PYROXD1: variants seen among roughly 807,000 people sequenced by gnomAD.
The protein encoded by PYROXD1 is pyridine nucleotide-disulphide oxidoreductase domain 1, also known as tRNA ligase complex-associated NAD(P)H dehydrogenase PYROXD1.
Under a neutral mutation model 62.0 loss-of-function variants are expected in PYROXD1, and 42 were observed. The observed-to-expected ratio is 0.68, with a 90% CI of 0.53 to 0.88. PYROXD1 has a LOEUF of 0.88. Ranked by LOEUF, PYROXD1 falls within the 40% of genes least tolerant of loss-of-function variation. The probability of loss-of-function intolerance (pLI) is 0.00; values close to 1 mark genes in which losing one functional copy is unlikely to be tolerated. For synonymous variants in PYROXD1, 170 were observed against 206.4 expected, an observed-to-expected ratio of 0.82 and a Z score of 1.51; for missense variants, 493 against 604.8, an observed-to-expected ratio of 0.82 and a Z score of 1.94.
At chr12:21,450,879 C>T (rs1942484342) in intron 4 of PYROXD1, among the ~76,000 whole-genome samples, 1 of 152,146 alleles carries the variant, frequency 6.6e-6, no homozygotes, top group African/African-American at 2.4e-5. Flanking sequence ...ACGATTATTA[C>T]TCCCAATTTA....
intron 2 of PYROXD1, among the ~76,000 whole-genome samples, chr12:21,442,371 A>G (rs946418011): frequency 2.6e-5 from 4 of 152,196 alleles, no homozygotes; most frequent in African/African-American, 9.6e-5. Flanking sequence ...GGAAACCAAG[A>G]ATGGGAACAC....
At chr12:21,458,454 C>T (rs114494108) in intron 7 of PYROXD1, among the ~76,000 whole-genome samples, 1 of 152,178 alleles carries the variant, frequency 6.6e-6, no homozygotes, top group Non-Finnish European at 1.5e-5. Context: ...CATTGGAATA[C>T]CACTTTAGAT....
intron 5 of PYROXD1, 24 bp downstream of exon 5, chr12:21,452,178 A>T: frequency 1.5e-6 from 2 of 1,366,072 alleles, no homozygotes; most frequent in Non-Finnish European, 2.0e-6. Context: ...TTTAAATATG[A>T]TAACATTTAA....
intron 1 of PYROXD1, 50 bp downstream of exon 1, chr12:21,437,864 A>T (rs746658521): frequency 6.5e-6 from 10 of 1,534,732 alleles, no homozygotes; most frequent in Admixed American, 5.6e-5. Flanking sequence ...CCCAAAGGGG[A>T]TAGCACTGGA....
chr12:21,449,959 G>A (rs1026200578), intron 4 of PYROXD1, among the ~76,000 whole-genome samples: 1 of 150,438 alleles, frequency 6.6e-6, no homozygotes, highest in African/African-American at 2.4e-5. Flanking sequence ...CCAGTTTCAC[G>A]CCATTCTCCT....
chr12:21,444,935 A>T (rs1942358586), intron 2 of PYROXD1, among the ~76,000 whole-genome samples: 1 of 152,280 alleles, frequency 6.6e-6, no homozygotes, highest in Non-Finnish European at 1.5e-5. Context: ...AAGGAAAGTG[A>T]GTCTAGAATA....
Position 21,470,045 on chromosome 12 carries a change from T to A in PYROXD1, c.*1291T>A. ...TCTAATTTTCAAACATTCTCAAAAG[T>A]TTAGATCTTCAGAGATAAGCTCTGA... On this transcript the variant is annotated 3_prime_UTR_variant, in exon 12 of 12. Transcript: ENST00000240651. 1 of 744,830 alleles carries A rather than the reference T, an allele frequency of 1.3e-6. No individual in the cohort carries two copies. Among genetic ancestry groups the A allele is most frequent in the East Asian group, 3.3e-5 (1 of 30,756 alleles). The allele number at this position is 744,830 out of a possible 1,614,324, so 46.1% of individuals were successfully genotyped here. A position where few individuals can be genotyped will look rare whatever the true frequency, so the allele number is the denominator to read the frequency against.
In PYROXD1 at chr12:21,461,146, C is replaced by T. The variant is rs1235998827; in HGVS notation, c.872C>T (p.Ala291Val). The T allele has an allele frequency of 3.3e-6, 5 of 1,525,822 alleles. No individual in the cohort carries two copies. The highest frequency in any genetic ancestry group is 2.1e-5 in the Admixed American group (1 of 46,690). The allele number at this position is 1,525,822 out of a possible 1,614,324, so 94.5% of individuals were successfully genotyped here. ...CCAAGAGACCATAAGTCAGTTACAG[C>T]TGATACAGGCAAGTAATGAAATAAG... ...TFPRDHKSVT[A>V]DTEMWPVYVE... is the part of the protein sequence containing the mutation. Residue 291 changes from alanine to valine, a missense_variant, in exon 8 of 12, where the codon GCT becomes GTT. By Grantham distance (64) the Ala-to-Val change is moderately conservative (BLOSUM62 0). Around this residue, in one of 2 missense-constraint regions of PYROXD1, gnomAD observed 329 missense variants for 446.6 expected, o/e 0.74. Transcript: ENST00000240651.
intron 2 of PYROXD1, among the ~76,000 whole-genome samples, chr12:21,442,558 T>C (rs11608659): frequency 0.49 from 75,113 of 151,982 alleles, 18,616 homozygotes; most frequent in Middle Eastern, 0.59. Flanking sequence ...GGGCCCAGTA[T>C]GGGCCGTAGA....
chr12:21,440,340 A>T (rs1565542467), intron 1 of PYROXD1, 28 bp from the exon 2 acceptor site: 4 of 1,384,218 alleles, frequency 2.9e-6, no homozygotes. Context: ...ATTTGTCCTA[A>T]TTTTTTTTCT....
At chr12:21,451,025 A>G (rs1261184400) in intron 4 of PYROXD1, among the ~76,000 whole-genome samples, 5 of 152,192 alleles carry the variant, frequency 3.3e-5, no homozygotes, top group East Asian at 1.9e-4. Flanking sequence ...TTAAATTGCA[A>G]TATCCTCAAT....
intron 4 of PYROXD1, among the ~76,000 whole-genome samples, chr12:21,450,725 T>G (rs1565547649): frequency 6.6e-6 from 1 of 152,200 alleles, no homozygotes; most frequent in Non-Finnish European, 1.5e-5. Flanking sequence ...TCTTAATAAT[T>G]AGGAATTGAG....
rs774637488 is a variant in PYROXD1 at position 21,437,748 on chromosome 12, TC to T, written c.23del (p.Pro8ArgfsTer34). The T allele has an allele frequency of 1.9e-6, 3 of 1,612,266 alleles. No homozygotes were observed. In the Admixed American group the frequency reaches 5.0e-5, roughly 27 times the overall value. The stretch of plus-strand genomic sequence containing the variant: ...CCGGCAGCATGGAGGCAGCGCGCCC[TC>T]CCCCGACGGCAGGGAAGTTCGTGGT... MEAARP[P>X]PTAGKFVVVG... On this transcript the variant is annotated frameshift_variant, in exon 1 of 12. Coordinates refer to ENST00000240651, the MANE Select transcript of PYROXD1 (RefSeq NM_024854.5). LOFTEE classifies it high-confidence loss of function.
rs3213210 is a variant in PYROXD1, at chr12:21,462,273, A to G, written c.993+153A>G. ...TGGTTAAAACATTGTCTTGATTTACAGTATTTTTTACTGCTTAAAATCCTT... is the reference window on the plus strand; with the variant it reads ...TGGTTAAAACATTGTCTTGATTTACGGTATTTTTTACTGCTTAAAATCCTT... On this transcript the variant is annotated intron_variant, in intron 9 of 11. Coordinates refer to ENST00000240651, the MANE Select transcript of PYROXD1 (RefSeq NM_024854.5). The G allele has an allele frequency of 0.42, 241,827 of 580,654 alleles. 53,550 individuals are homozygous for G. The highest frequency in any genetic ancestry group is 0.52 in the South Asian group (22,265 of 43,156). 36.0% of individuals were successfully genotyped at this position (580,654 alleles called of 1,614,324 possible).
intron 1 of PYROXD1, 157 bp downstream of exon 1, chr12:21,437,971 G>A: frequency 2.9e-6 from 2 of 687,878 alleles, no homozygotes; most frequent in Non-Finnish European, 4.8e-6. Context: ...GAAACTGCTT[G>A]GTGGTCCTCA....
At chr12:21,451,229 CT>C (rs959580327) in intron 4 of PYROXD1, among the ~76,000 whole-genome samples, 1,803 of 111,820 alleles carry the variant, frequency 0.016, 18 homozygotes, top group Non-Finnish European at 0.026. Context: ...TTCTCTCTCT[CT>C]TTTTTTTTTA....
In PYROXD1 at chr12:21,442,340, G is replaced by A. The variant is rs190154434; in HGVS notation, c.165+1892G>A. 1.5e-3 allele frequency among the ~76,000 whole-genome samples: 225 copies of A among 152,312 alleles called. 1 individual carries two copies. The highest frequency in any genetic ancestry group is 2.5e-3 in the Non-Finnish European group (170 of 68,024). ...ATATTGGTAATAGAATATGAGGTGA[G>A]GATGCTTGTGAGGCAGCCAGGGAAA... On this transcript the variant is annotated intron_variant, in intron 2 of 11. Transcript: ENST00000240651.
Position 21,461,755 on chromosome 12 carries a change from A to G in PYROXD1, c.881-253A>G, listed in dbSNP as rs989558795. On this transcript the variant is annotated intron_variant, in intron 8 of 11. Coordinates refer to ENST00000240651, the MANE Select transcript of PYROXD1 (RefSeq NM_024854.5). Reference sequence around the variant, plus strand: ...ATTTAAATGTACTTTGTCAAAATTTATGTGTCCAAATTTGAAGGAAAAACA... The same window carrying G: ...ATTTAAATGTACTTTGTCAAAATTTGTGTGTCCAAATTTGAAGGAAAAACA... Among the ~76,000 whole-genome samples the G allele has an allele frequency of 3.3e-5, 5 of 152,236 alleles. No homozygotes were observed. The South Asian group carries it at 8.3e-4, about 25-fold the overall frequency.
chr12:21,470,206 G>A lies in PYROXD1; in HGVS notation c.*1452G>A, dbSNP rs763894040. 16 of 1,611,268 alleles carry A rather than the reference G, an allele frequency of 9.9e-6. No individual in the cohort carries two copies. The highest frequency in any genetic ancestry group is 4.5e-5 in the East Asian group (2 of 44,792). ...AGTAACATTCATATCAGGCATCATC[G>A]ATTTTTCTTTTCTTAGCTCCTGTAT... On this transcript the variant is annotated 3_prime_UTR_variant, in exon 12 of 12. Transcript: ENST00000240651.
Sources: gnomAD v4.1 joint callset for allele counts (sites outside exome capture counted in the v4.1 genomes callset) on GRCh38, gnomAD v4.1.1 for gene constraint, gnomAD v4.1.1 regional missense constraint, MANE v1.5 for transcripts, NCBI Gene and HGNC (gene_info 2026-07-23, HGNC 2026-07-21) for gene names.